The following FGGY variants were observed in gnomAD, a reference collection of about 807,000 sequenced individuals.
FGGY encodes the protein FGGY carbohydrate kinase domain-containing protein.
In FGGY, 72 loss-of-function variants were observed where a neutral mutation model predicts 71.3. The ratio of observed to expected loss-of-function variants is 1.01; its 90% CI spans 0.84 to 1.23. The LOEUF is 1.23. Ranked by LOEUF, FGGY falls within the 50% of genes most tolerant of loss-of-function variation. The probability of loss-of-function intolerance (pLI) is 0.00; values close to 1 mark genes in which losing one functional copy is unlikely to be tolerated. For synonymous variants in FGGY, 251 were observed against 250.3 expected (o/e 1.00, Z -0.02); for missense variants, 668 against 682.3 (o/e 0.98, Z 0.23).
At chr1:59,483,628 A>G (rs1224314036) in intron 6 of FGGY, among the ~76,000 whole-genome samples, 14 of 152,264 alleles carry the variant, frequency 9.2e-5, no homozygotes, top group African/African-American at 3.4e-4. Flanking sequence ...CAGGTCAGTA[A>G]GTGGCATTTT....
rs1197052813 is a variant in FGGY at position 59,650,178 on chromosome 1, C to T, written c.1222-10041C>T. Among the ~76,000 whole-genome samples the T allele has an allele frequency of 5.4e-5, 8 of 147,780 alleles. 1 individual carries two copies. In the South Asian group the frequency reaches 6.3e-4, roughly 12 times the overall value. On this transcript the variant is annotated intron_variant, in intron 11 of 15. Coordinates refer to ENST00000303721, the MANE Select transcript of FGGY (RefSeq NM_018291.5). ...AGTATTGTATTGAGGATTTTTGCAT[C>T]GATGTTCATCAGGGATATTGGTCTA...
Position 59,570,109 on chromosome 1 carries a change from A to G in FGGY, c.903+15882A>G, listed in dbSNP as rs146543805. On this transcript the variant is annotated intron_variant, in intron 8 of 15. Coordinates refer to ENST00000303721, the MANE Select transcript of FGGY (RefSeq NM_018291.5). ...CAAAATATACCTGGGTAACTGTTTT[A>G]AAAATGCAATTCCTCAGGCCCCTCT... Among the ~76,000 whole-genome samples the G allele has an allele frequency of 1.1e-3, 160 of 152,314 alleles. 2 individuals are homozygous for G. Among genetic ancestry groups the G allele is most frequent in the African/African-American group, 3.7e-3 (153 of 41,562 alleles).
At chr1:59,344,441 A>T (rs2051361285) in intron 3 of FGGY, among the ~76,000 whole-genome samples, 1 of 152,032 alleles carries the variant, frequency 6.6e-6, no homozygotes, top group Admixed American at 6.6e-5. Flanking sequence ...CTTTTATTTT[A>T]AAAAAAGATA....
At chr1:59,696,008 C>T (rs940169363) in intron 14 of FGGY, among the ~76,000 whole-genome samples, 1 of 152,060 alleles carries the variant, frequency 6.6e-6, no homozygotes, top group Non-Finnish European at 1.5e-5. Flanking sequence ...GAAGTGTTGC[C>T]ATCTATGAAA....
intron 14 of FGGY, among the ~76,000 whole-genome samples, chr1:59,748,681 A>G (rs760382123): frequency 2.6e-4 from 39 of 152,222 alleles, no homozygotes; most frequent in Non-Finnish European, 4.0e-4. Context: ...GACGTGTTAA[A>G]AAATAAATAT....
chr1:59,535,217 G>A (rs999137334), intron 7 of FGGY, among the ~76,000 whole-genome samples: 3,998 of 151,642 alleles, frequency 0.026, 176 homozygotes, highest in African/African-American at 0.092. Context: ...AACCAACAAA[G>A]ATCAAAAGAG....
At chr1:59,667,257 T>C in intron 12 of FGGY, 26 bp from the exon 13 acceptor site, 1 of 1,613,726 alleles carries the variant, frequency 6.2e-7, no homozygotes, top group South Asian at 1.1e-5. Flanking sequence ...ACTATACTGA[T>C]GCTATCTTCT....
intron 11 of FGGY, among the ~76,000 whole-genome samples, chr1:59,638,777 C>A (rs1355398309): frequency 6.6e-6 from 1 of 152,184 alleles, no homozygotes; most frequent in Non-Finnish European, 1.5e-5. Flanking sequence ...TCTGCCTAGG[C>A]TCTGAGTCAG....
intron 8 of FGGY, among the ~76,000 whole-genome samples, chr1:59,574,917 G>C (rs2685542): frequency 0.18 from 27,405 of 152,028 alleles, 2,768 homozygotes; most frequent in Admixed American, 0.25. Flanking sequence ...GTTTAATATA[G>C]GTTGCTGAGA....
At chr1:59,651,197 T>G (rs997311415) in intron 11 of FGGY, among the ~76,000 whole-genome samples, 5 of 152,112 alleles carry the variant, frequency 3.3e-5, no homozygotes, top group Admixed American at 6.6e-5. Context: ...GGAATAGGTG[T>G]GGTGCGGTGC....
At chr1:59,487,161 C>T (rs890958391) in intron 6 of FGGY, among the ~76,000 whole-genome samples, 2 of 152,126 alleles carry the variant, frequency 1.3e-5, no homozygotes, top group Non-Finnish European at 2.9e-5. Flanking sequence ...AAACCGAAGC[C>T]AACCCAGGGA....
chr1:59,567,467 A>C (rs941397985), intron 8 of FGGY, among the ~76,000 whole-genome samples: 1 of 152,208 alleles, frequency 6.6e-6, no homozygotes, highest in South Asian at 2.1e-4. Context: ...GAAATATTTA[A>C]CTGGAAGATG....
chr1:59,332,524 G>A (rs1191051604), intron 2 of FGGY, among the ~76,000 whole-genome samples: 2 of 152,166 alleles, frequency 1.3e-5, no homozygotes, highest in Non-Finnish European at 2.9e-5. Flanking sequence ...CTGTGGATGA[G>A]CATGATCATA....
chr1:59,320,046 G>A (rs938913662), intron 1 of FGGY, among the ~76,000 whole-genome samples: 8 of 152,182 alleles, frequency 5.3e-5, no homozygotes, highest in African/African-American at 1.9e-4. Context: ...GTCCCCAAGG[G>A]GAATGTAAGC....
At chr1:59,570,335 A>G (rs1233519088) in intron 8 of FGGY, among the ~76,000 whole-genome samples, 3 of 152,200 alleles carry the variant, frequency 2.0e-5, no homozygotes, top group Non-Finnish European at 2.9e-5. Context: ...CTAAATTTAC[A>G]CTTGATGAAT....
chr1:59,351,240 A>G (rs536521385), intron 4 of FGGY, among the ~76,000 whole-genome samples: 1 of 152,350 alleles, frequency 6.6e-6, no homozygotes, highest in East Asian at 1.9e-4. Flanking sequence ...GGCAGAATAT[A>G]TATGTACCAT....
chr1:59,597,488 A>T (rs776862766), intron 8 of FGGY, among the ~76,000 whole-genome samples: 4 of 152,180 alleles, frequency 2.6e-5, no homozygotes, highest in Non-Finnish European at 5.9e-5. Context: ...ATTCTAATCA[A>T]GATAGTGTCA....
At chr1:59,417,961 A>G (rs560677131) in intron 5 of FGGY, among the ~76,000 whole-genome samples, 2 of 152,366 alleles carry the variant, frequency 1.3e-5, no homozygotes, top group East Asian at 1.9e-4. Context: ...GATAATTTAC[A>G]TGATTGCAGA....
chr1:59,393,336 T>A (rs2060922880), intron 5 of FGGY: 1 of 152,234 alleles, frequency 6.6e-6, no homozygotes, highest in Non-Finnish European at 1.5e-5. Flanking sequence ...AGTGGATGTG[T>A]TCCTGGCGGC....
Sources: allele counts gnomAD v4.1 joint callset (sites outside exome capture counted in the v4.1 genomes callset), GRCh38; gene constraint gnomAD v4.1.1; transcripts MANE v1.5; gene names NCBI Gene and HGNC (gene_info 2026-07-23, HGNC 2026-07-21).